The following TENM3 variants were observed in gnomAD, a reference collection of about 807,000 sequenced individuals.
TENM3 encodes the protein teneurin-3.
TENM3 carries 63 observed loss-of-function variants against 255.1 expected under a neutral mutation model. That is an observed-to-expected ratio of 0.25 (90% CI 0.20 to 0.30). The LOEUF (loss-of-function observed/expected upper bound fraction) is 0.30. Among genes scored for constraint, TENM3 ranks in the 10% least tolerant of loss-of-function variants. The pLI is 1.00. For missense variants in TENM3, 2,929 were observed against 3,461.1 expected (o/e 0.85, Z 3.86); for synonymous variants, 1,306 against 1,322.3 (o/e 0.99, Z 0.27).
chr4:182,066,754 C>CA, the TENM3 span, among the ~76,000 whole-genome samples: 364 of 151,694 alleles, frequency 2.4e-3, 2 homozygotes, highest in African/African-American at 8.3e-3. Context: ...ACTAAAAATA[C>CA]AAAAAAATTA....
intron 3 of TENM3, among the ~76,000 whole-genome samples, chr4:182,522,916 C>G (rs758291728): frequency 2.4e-4 from 37 of 152,196 alleles, no homozygotes; most frequent in Non-Finnish European, 1.0e-4. Flanking sequence ...TTCCTACCAA[C>G]AGTGTGTGAG....
chr4:181,650,576 A>G, the TENM3 span, among the ~76,000 whole-genome samples: 3 of 152,174 alleles, frequency 2.0e-5, no homozygotes, highest in Non-Finnish European at 4.4e-5. Context: ...GTCACCTGTA[A>G]TTCTGCAGAT....
the TENM3 span, among the ~76,000 whole-genome samples, chr4:181,848,148 A>T: frequency 1.3e-5 from 2 of 152,242 alleles, no homozygotes; most frequent in Non-Finnish European, 2.9e-5. Flanking sequence ...CGTGGAGTTT[A>T]GAATCTCATC....
At position 182,653,824 on chromosome 4, in the gene TENM3, T is replaced by A; in HGVS notation, c.1042T>A (p.Phe348Ile). ...GCTACAGCAGACTGAAAATGACACA[T>A]TTGAGAATGGAAAAGTGAATTCTGA... The part of the protein sequence containing the change: ...WQLQQTENDT[F>I]ENGKVNSDTM... The change falls in exon 6 of 28, where the codon TTT (phenylalanine) becomes ATT (isoleucine). Residue 348 changes from phenylalanine (F) to isoleucine (I), a missense_variant. Phe to Ile is a conservative substitution (Grantham distance 21, BLOSUM62 0). Transcript: ENST00000511685. 6.2e-7 allele frequency: 1 copy of A among 1,613,048 alleles called. No individual in the cohort carries two copies. The highest frequency in any genetic ancestry group is 8.5e-7 in the Non-Finnish European group (1 of 1,179,422).
rs755750940 is a variant in TENM3, at chr4:182,789,418, G to A, written c.5601+29G>A. On this transcript the variant is annotated intron_variant, in intron 25 of 27. Transcript: ENST00000511685. The surrounding 1 kb of genome is among the most constrained non-coding windows in gnomAD (Gnocchi z 4.4). ...TGCCTGCAAACTAAGCTCAACAATA[G>A]GGAAAGGATAATTCACATTTTTCAG... is the stretch of plus-strand genomic sequence containing the variant. The A allele has an allele frequency of 1.3e-6, 2 of 1,586,118 alleles. No individual in the cohort carries two copies. Among genetic ancestry groups the A allele is most frequent in the Non-Finnish European group, 1.7e-6 (2 of 1,161,556 alleles).
chr4:181,573,357 A>G, the TENM3 span, among the ~76,000 whole-genome samples: 1 of 152,226 alleles, frequency 6.6e-6, no homozygotes, highest in Non-Finnish European at 1.5e-5. Flanking sequence ...CATTCCCACC[A>G]AGAGTGTACA....
intron 20 of TENM3, among the ~76,000 whole-genome samples, chr4:182,752,899 ACTC>A (rs1388970281): frequency 6.6e-6 from 1 of 151,538 alleles, no homozygotes; most frequent in African/African-American, 2.4e-5. Flanking sequence ...TGATACATAT[ACTC>A]ACAGGAGATT....
In TENM3 at chr4:182,256,590, T is replaced by A. The variant is rs553682979; in HGVS notation, c.-76+13114T>A. Among the ~76,000 whole-genome samples, 61 of 152,198 alleles carry A rather than the reference T, an allele frequency of 4.0e-4. 1 individual carries two copies. The highest frequency in any genetic ancestry group is 3.4e-3 in the Middle Eastern group (1 of 294). On this transcript the variant is annotated intron_variant, in intron 1 of 27. Transcript: ENST00000511685. ...AGAATCTCAATACGAGTTTCAGGAG[T>A]TGGTCAAGTCATCCCCTGTAACTTT...
chr4:182,590,770 A>G (rs887011618), intron 3 of TENM3, among the ~76,000 whole-genome samples: 1 of 150,750 alleles, frequency 6.6e-6, no homozygotes, highest in African/African-American at 2.4e-5. Flanking sequence ...AATCACTTGA[A>G]CCTCAGAGGC....
chr4:181,747,789 A>G, the TENM3 span, among the ~76,000 whole-genome samples: 2 of 151,968 alleles, frequency 1.3e-5, no homozygotes, highest in African/African-American at 2.4e-5. Flanking sequence ...TCTATTTTTC[A>G]TGTTAAAATG....
the TENM3 span, among the ~76,000 whole-genome samples, chr4:182,092,813 A>C: frequency 6.6e-6 from 1 of 152,334 alleles, no homozygotes; most frequent in African/African-American, 2.4e-5. Context: ...TAGTTCACTA[A>C]AATTTAAGGT....
intron 2 of TENM3, among the ~76,000 whole-genome samples, chr4:182,342,257 T>C (rs1366107373): frequency 6.6e-6 from 1 of 152,214 alleles, no homozygotes; most frequent in Admixed American, 6.5e-5. Flanking sequence ...AACTGATGAA[T>C]GGATAAATGA....
At chr4:181,577,405 T>C in the TENM3 span, among the ~76,000 whole-genome samples, 1 of 151,518 alleles carries the variant, frequency 6.6e-6, no homozygotes, top group Non-Finnish European at 1.5e-5. Context: ...CACTAAGAAG[T>C]CTAGGTTTGA....
At chr4:182,765,731 G>A (rs1177134806) in intron 22 of TENM3, among the ~76,000 whole-genome samples, 1 of 152,170 alleles carries the variant, frequency 6.6e-6, no homozygotes. Flanking sequence ...GACTGTGAGA[G>A]TCAGAGCCCC....
chr4:182,114,170 C>A, the TENM3 span, among the ~76,000 whole-genome samples: 1 of 152,166 alleles, frequency 6.6e-6, no homozygotes, highest in Non-Finnish European at 1.5e-5. Context: ...GCCATATAAT[C>A]AGTTTGTTAG....
intron 1 of TENM3, among the ~76,000 whole-genome samples, chr4:182,234,708 G>T (rs2150033158): frequency 1.3e-5 from 2 of 152,038 alleles, no homozygotes; most frequent in African/African-American, 4.8e-5. Flanking sequence ...CTCCAGCCTG[G>T]GTGACAGAGC....
intron 7 of TENM3, among the ~76,000 whole-genome samples, chr4:182,674,190 A>C (rs935192124): frequency 1.1e-4 from 17 of 152,310 alleles, no homozygotes; most frequent in Middle Eastern, 3.4e-3. Flanking sequence ...GACTTATAAA[A>C]TAAGGGCTGG....
At chr4:181,724,339 T>C in the TENM3 span, among the ~76,000 whole-genome samples, 2 of 152,138 alleles carry the variant, frequency 1.3e-5, no homozygotes, top group African/African-American at 2.4e-5. Flanking sequence ...CTATCTCTTG[T>C]CCATTTTCTC....
chr4:182,632,278 C>T lies in TENM3; in HGVS notation c.988+3389C>T, dbSNP rs190653531. Among the ~76,000 whole-genome samples the T allele has an allele frequency of 2.6e-3, 392 of 152,146 alleles. 2 individuals carry two copies. The highest frequency in any genetic ancestry group is 8.4e-3 in the African/African-American group (350 of 41,524). Reference sequence around the variant, plus strand: ...CTGTGTCCGTGCATGTTGGTGTGTGCGTATGTGTTCATTTGATCCAGTTTT... The same window carrying T: ...CTGTGTCCGTGCATGTTGGTGTGTGTGTATGTGTTCATTTGATCCAGTTTT... On this transcript the variant is annotated intron_variant, in intron 5 of 27. Transcript: ENST00000511685.
Sources: gnomAD v4.1 joint callset for allele counts (sites outside exome capture counted in the v4.1 genomes callset) on GRCh38, gnomAD v4.1.1 for gene constraint, Gnocchi (gnomAD v3.1) non-coding constraint, MANE v1.5 for transcripts, NCBI Gene and HGNC (gene_info 2026-07-23, HGNC 2026-07-21) for gene names.